The following NELL1 variants were observed in gnomAD, a reference collection of about 807,000 sequenced individuals.
NELL1 encodes the protein protein kinase C-binding protein NELL1.
In NELL1, 76 loss-of-function variants were observed where a neutral mutation model predicts 107.4. That is an observed-to-expected ratio of 0.71 (90% CI 0.59 to 0.86). The LOEUF (loss-of-function observed/expected upper bound fraction) is 0.86. NELL1 is among the 40% of genes least tolerant of loss of function. The pLI, the probability that NELL1 is intolerant of heterozygous loss-of-function variation, is 0.00. For synonymous variants in NELL1, 353 were observed against 341.2 expected, an observed-to-expected ratio of 1.03 and a Z score of -0.38; for missense variants, 1,024 against 1,005.5, an observed-to-expected ratio of 1.02 and a Z score of -0.25.
intron 15 of NELL1, among the ~76,000 whole-genome samples, chr11:21,380,180 G>T (rs772244799): frequency 2.0e-5 from 3 of 151,996 alleles, no homozygotes; most frequent in East Asian, 1.9e-4. Context: ...TATCATCAAC[G>T]TTGCTTCTTT....
At chr11:21,447,122 G>A (rs1215083018) in intron 15 of NELL1, among the ~76,000 whole-genome samples, 1 of 143,318 alleles carries the variant, frequency 7.0e-6, no homozygotes, top group African/African-American at 3.0e-5. Context: ...GGGCTCTTCA[G>A]TCAGCTTATG....
chr11:21,364,288 A>G (rs1365182318), intron 14 of NELL1, among the ~76,000 whole-genome samples: 1 of 151,454 alleles, frequency 6.6e-6, no homozygotes, highest in Non-Finnish European at 1.5e-5. Context: ...GCGGGTGCCT[A>G]TAATCCTAGC....
intron 4 of NELL1, among the ~76,000 whole-genome samples, chr11:20,853,122 G>T (rs1224633329): frequency 6.6e-6 from 1 of 152,196 alleles, no homozygotes; most frequent in Non-Finnish European, 1.5e-5. Context: ...GTCAGGCTTA[G>T]AACAAGGTTT....
chr11:21,321,726 T>C (rs1590835240), intron 14 of NELL1, among the ~76,000 whole-genome samples: 1 of 152,178 alleles, frequency 6.6e-6, no homozygotes. Context: ...ACACAGCTGA[T>C]AAGTGGCAGA....
At chr11:21,490,070 T>C (rs1854760722) in intron 15 of NELL1, among the ~76,000 whole-genome samples, 1 of 152,094 alleles carries the variant, frequency 6.6e-6, no homozygotes, top group Non-Finnish European at 1.5e-5. Flanking sequence ...AAAAATCTCC[T>C]ACATTTGATA....
intron 12 of NELL1, among the ~76,000 whole-genome samples, chr11:20,982,845 G>A (rs535183208): frequency 4.3e-4 from 66 of 152,292 alleles, no homozygotes; most frequent in Middle Eastern, 3.4e-3. Flanking sequence ...TCTTAAAAGC[G>A]TAGAGCTTAC....
chr11:21,470,683 A>G (rs898806099), intron 15 of NELL1, among the ~76,000 whole-genome samples: 1 of 152,100 alleles, frequency 6.6e-6, no homozygotes, highest in Non-Finnish European at 1.5e-5. Context: ...CACCTCAAGG[A>G]CAGAAGCCAT....
chr11:20,906,026 T>C (rs551630590), intron 5 of NELL1, among the ~76,000 whole-genome samples: 99 of 152,200 alleles, frequency 6.5e-4, no homozygotes, highest in African/African-American at 2.3e-3. Context: ...AAGAGAATCT[T>C]GAGAGCAGAA....
intron 14 of NELL1, among the ~76,000 whole-genome samples, chr11:21,332,370 C>G (rs1237121102): frequency 6.6e-6 from 1 of 151,896 alleles, no homozygotes; most frequent in Non-Finnish European, 1.5e-5. Context: ...CTGATTGCAG[C>G]AAGAGTACTG....
At chr11:21,132,177 TG>T (rs1231208770) in intron 13 of NELL1, among the ~76,000 whole-genome samples, 2 of 147,158 alleles carry the variant, frequency 1.4e-5, no homozygotes, top group African/African-American at 5.1e-5. Context: ...AGGATTAGCC[TG>T]TATTTTGTGT....
chr11:21,094,419 G>T (rs918537760), intron 12 of NELL1, among the ~76,000 whole-genome samples: 4 of 152,184 alleles, frequency 2.6e-5, no homozygotes, highest in African/African-American at 9.7e-5. Flanking sequence ...ACTGTTCTGG[G>T]GTCTGGAGGA....
chr11:20,729,158 G>C (rs1380439809), intron 2 of NELL1, among the ~76,000 whole-genome samples: 1 of 151,652 alleles, frequency 6.6e-6, no homozygotes, highest in African/African-American at 2.4e-5. Flanking sequence ...CATTGATTTT[G>C]TGTCATGAAA....
At position 20,741,679 on chromosome 11, in the gene NELL1, A is replaced by G. The variant is rs865996478; in HGVS notation, c.185-42001A>G. ...GTACTGGGTACTTCAAAGAAAATGTAGATGAGTCACCCAAACCCATCAAGG... is the reference window on the plus strand; with the variant it reads ...GTACTGGGTACTTCAAAGAAAATGTGGATGAGTCACCCAAACCCATCAAGG... On this transcript the variant is annotated intron_variant, in intron 2 of 19. Coordinates refer to ENST00000357134, the MANE Select transcript of NELL1 (RefSeq NM_006157.5). 6.6e-5 allele frequency among the ~76,000 whole-genome samples: 10 copies of G among 152,314 alleles called. No homozygotes were observed. In the South Asian group the frequency reaches 1.5e-3, roughly 22 times the overall value.
intron 2 of NELL1, among the ~76,000 whole-genome samples, chr11:20,744,064 A>G (rs139757196): frequency 1.7e-3 from 253 of 152,258 alleles, no homozygotes; most frequent in Non-Finnish European, 2.7e-3. Flanking sequence ...CTCCAAAAAT[A>G]TATCTTCAAT....
At chr11:20,896,366 T>C (rs1849737957) in intron 5 of NELL1, among the ~76,000 whole-genome samples, 1 of 152,242 alleles carries the variant, frequency 6.6e-6, no homozygotes, top group South Asian at 2.1e-4. Flanking sequence ...ACAATTTCTT[T>C]ATCCATTCAT....
chr11:21,250,054 T>C (rs1858598249), intron 14 of NELL1, among the ~76,000 whole-genome samples: 1 of 152,224 alleles, frequency 6.6e-6, no homozygotes, highest in African/African-American at 2.4e-5. Flanking sequence ...TCATGTTTAC[T>C]GTAATTTAGT....
intron 13 of NELL1, among the ~76,000 whole-genome samples, chr11:21,219,255 T>C (rs1276268027): frequency 6.6e-6 from 1 of 152,186 alleles, no homozygotes; most frequent in Non-Finnish European, 1.5e-5. Context: ...TTTAAAAATA[T>C]CTTTGTTGTC....
Position 20,927,331 on chromosome 11 carries a change from TAGTC to T in NELL1, c.785_788del (p.Ser262AsnfsTer13). 1 of 1,612,160 alleles carries T rather than the reference TAGTC, an allele frequency of 6.2e-7. No homozygotes were observed. Among genetic ancestry groups the T allele is most frequent in the Non-Finnish European group, 8.5e-7 (1 of 1,179,522 alleles). ...AGCTAAATTATGCAGAGACAAGACT[TAGTC>T]AATTGGAAAACTGTCATTGTGAGAA... On this transcript the variant is annotated frameshift_variant, in exon 8 of 20. Coordinates refer to ENST00000357134, the MANE Select transcript of NELL1 (RefSeq NM_006157.5). LOFTEE classifies it high-confidence loss of function.
chr11:20,693,430 G>A (rs918930992), intron 2 of NELL1, among the ~76,000 whole-genome samples: 7 of 152,072 alleles, frequency 4.6e-5, no homozygotes, highest in African/African-American at 1.7e-4. Context: ...GGTACCGGTT[G>A]TGCCTTTCCA....
Sources: gnomAD v4.1 joint callset for allele counts (sites outside exome capture counted in the v4.1 genomes callset) on GRCh38, gnomAD v4.1.1 for gene constraint, MANE v1.5 for transcripts, NCBI Gene and HGNC (gene_info 2026-07-23, HGNC 2026-07-21) for gene names.